ARID1B: variants seen among roughly 807,000 people sequenced by gnomAD.
ARID1B encodes AT-rich interaction domain 1B, also known as AT-rich interactive domain-containing protein 1B.
A neutral mutation model predicts 212.3 loss-of-function variants in ARID1B; 30 were observed. The ratio of observed to expected loss-of-function variants is 0.14; its 90% CI spans 0.11 to 0.19. The LOEUF (loss-of-function observed/expected upper bound fraction) is 0.19. Among genes scored for constraint, ARID1B ranks in the 10% least tolerant of loss-of-function variants. ARID1B has a pLI of 1.00. For missense variants in ARID1B, 2,891 were observed against 3,204.0 expected (o/e 0.90, Z 2.36); for synonymous variants, 1,402 against 1,301.7 (o/e 1.08, Z -1.66).
chr6:157,174,160 A>G (rs774860645), intron 10 of ARID1B, 43 bp downstream of exon 10: 112 of 1,566,604 alleles, frequency 7.1e-5, no homozygotes, highest in Non-Finnish European at 9.0e-5. Flanking sequence ...TCTGCCTAGC[A>G]AAAAGCTGCC....
At position 157,083,678 on chromosome 6, in the gene ARID1B, T is replaced by C. The variant is rs562134908; in HGVS notation, c.2248-984T>C. 5.9e-5 allele frequency among the ~76,000 whole-genome samples: 9 copies of C among 152,342 alleles called. No homozygotes were observed. In the South Asian group the frequency reaches 1.2e-3, roughly 21 times the overall value. On this transcript the variant is annotated intron_variant, in intron 4 of 19. Coordinates refer to ENST00000636930, the MANE Select transcript of ARID1B (RefSeq NM_001374828.1). ...TTTTTAATCACTGCCTCAGAGAGTA[T>C]GGTGATAAAATATAGATGGCATTGA...
chr6:156,862,695 C>T (rs1026901545), intron 2 of ARID1B, among the ~76,000 whole-genome samples: 4 of 152,036 alleles, frequency 2.6e-5, no homozygotes, highest in Admixed American at 6.6e-5. Context: ...AAGGAGGAGG[C>T]GGTAGATGTG....
intron 2 of ARID1B, among the ~76,000 whole-genome samples, chr6:156,853,372 A>G (rs1400924882): frequency 2.0e-5 from 3 of 152,200 alleles, no homozygotes; most frequent in African/African-American, 7.2e-5. Flanking sequence ...GGGCATGAAA[A>G]TGGATCCTAA....
In ARID1B at chr6:156,778,945, TGGCGGC is replaced by T; in HGVS notation, c.1272_1277del (p.Ala432_Ala433del). ...GCAGGAGGAGCAGGAGCGGGAGCTG[TGGCGGC>T]GGCGGCCGCGGCGGCGGCGGCAGCA... On this transcript the variant is annotated inframe_deletion, in exon 1 of 20. Coordinates refer to ENST00000636930, the MANE Select transcript of ARID1B (RefSeq NM_001374828.1). 2.3e-6 allele frequency: 3 copies of T among 1,277,234 alleles called. No homozygotes were observed. Among genetic ancestry groups the T allele is most frequent in the South Asian group, 3.0e-5 (1 of 33,336 alleles). The allele number at this position is 1,277,234 out of a possible 1,614,324, so 79.1% of individuals were successfully genotyped here.
intron 1 of ARID1B, among the ~76,000 whole-genome samples, chr6:156,794,258 TC>T (rs1189421109): frequency 1.3e-5 from 2 of 152,166 alleles, no homozygotes; most frequent in African/African-American, 4.8e-5. Context: ...TTTTTTCTTT[TC>T]TTTTTTTGGA....
chr6:156,859,778 G>A (rs939062620), intron 2 of ARID1B, among the ~76,000 whole-genome samples: 1 of 152,184 alleles, frequency 6.6e-6, no homozygotes, highest in Non-Finnish European at 1.5e-5. Flanking sequence ...TGGTCTAAAT[G>A]TGCTTGAAAA....
chr6:157,128,772 A>G (rs574998740), intron 6 of ARID1B, among the ~76,000 whole-genome samples: 1 of 152,376 alleles, frequency 6.6e-6, no homozygotes, highest in South Asian at 2.1e-4. Flanking sequence ...AAAAGGAAGT[A>G]AAGACAGCTG....
At chr6:156,885,600 C>T (rs907701865) in intron 2 of ARID1B, among the ~76,000 whole-genome samples, 1 of 152,070 alleles carries the variant, frequency 6.6e-6, no homozygotes, top group Non-Finnish European at 1.5e-5. Context: ...CATGTTCCAC[C>T]TGATGAAATT....
intron 12 of ARID1B, among the ~76,000 whole-genome samples, chr6:157,183,074 G>C (rs1362898900): frequency 6.6e-6 from 1 of 152,192 alleles, no homozygotes; most frequent in African/African-American, 2.4e-5. Context: ...CTGGAATGTA[G>C]CTGGGTTGCA....
intron 4 of ARID1B, among the ~76,000 whole-genome samples, chr6:157,014,323 C>G (rs765366720): frequency 6.6e-6 from 1 of 152,190 alleles, no homozygotes; most frequent in Non-Finnish European, 1.5e-5. Context: ...TTATGCAATC[C>G]TGGTTCTCCA....
At chr6:156,942,056 C>A (rs1248180090) in intron 4 of ARID1B, 1 of 152,040 alleles carries the variant, frequency 6.6e-6, no homozygotes, top group African/African-American at 2.4e-5. Context: ...ATATAGTATT[C>A]TGAAGATTTC....
rs186765548 is a variant in ARID1B at position 156,818,724 on chromosome 6, T to C, written c.1792-10503T>C. ...CATTTTACTGGAGATGGCAAATTACTTTTTGCTTGTGCAAATTCTGATAGT... is the reference window on the plus strand; with the variant it reads ...CATTTTACTGGAGATGGCAAATTACCTTTTGCTTGTGCAAATTCTGATAGT... On this transcript the variant is annotated intron_variant, in intron 1 of 19. Coordinates refer to ENST00000636930, the MANE Select transcript of ARID1B (RefSeq NM_001374828.1). 4.0e-4 allele frequency among the ~76,000 whole-genome samples: 61 copies of C among 152,330 alleles called. 1 individual carries two copies. Among genetic ancestry groups the C allele is most frequent in the African/African-American group, 1.3e-3 (55 of 41,568 alleles).
At chr6:157,166,989 C>T in intron 8 of ARID1B, 51 bp from the exon 9 acceptor site, 3 of 1,592,958 alleles carry the variant, frequency 1.9e-6, no homozygotes, top group East Asian at 2.2e-5. Flanking sequence ...GGGCAAACCA[C>T]TGCTAATGTG....
At chr6:156,835,928 A>AGGC (rs1783479852) in intron 2 of ARID1B, among the ~76,000 whole-genome samples, 2 of 78,970 alleles carry the variant, frequency 2.5e-5, no homozygotes, top group Middle Eastern at 6.3e-3. Flanking sequence ...TTTTTTGTAG[A>AGGC]GACGTCTCAC....
chr6:157,000,642 C>T (rs1183890291), intron 4 of ARID1B, among the ~76,000 whole-genome samples: 1 of 150,590 alleles, frequency 6.6e-6, no homozygotes, highest in African/African-American at 2.4e-5. Flanking sequence ...TGAGTGATTC[C>T]TCCAATAATT....
At chr6:156,854,952 A>G (rs149205022) in intron 2 of ARID1B, among the ~76,000 whole-genome samples, 6 of 152,358 alleles carry the variant, frequency 3.9e-5, no homozygotes, top group Admixed American at 2.0e-4. Flanking sequence ...CTTCCAGTCA[A>G]TTACTAGGCA....
chr6:157,134,429 G>A (rs1037986265), intron 7 of ARID1B, among the ~76,000 whole-genome samples: 5 of 152,250 alleles, frequency 3.3e-5, no homozygotes, highest in Non-Finnish European at 4.4e-5. Context: ...GGAAGACTAT[G>A]GGGATACCCA....
At chr6:157,122,384 A>T (rs1353657247) in intron 6 of ARID1B, among the ~76,000 whole-genome samples, 1 of 152,220 alleles carries the variant, frequency 6.6e-6, no homozygotes, top group Non-Finnish European at 1.5e-5. Context: ...TGCAGACTGA[A>T]TGACTCCAGG....
chr6:157,010,984 A>G (rs1779572145), intron 4 of ARID1B, among the ~76,000 whole-genome samples: 1 of 152,244 alleles, frequency 6.6e-6, no homozygotes, highest in Admixed American at 6.5e-5. Flanking sequence ...TCCGAAGGCC[A>G]GGACACCTCT....
Sources: gnomAD v4.1 joint callset for allele counts (sites outside exome capture counted in the v4.1 genomes callset) on GRCh38, gnomAD v4.1.1 for gene constraint, MANE v1.5 for transcripts, NCBI Gene and HGNC (gene_info 2026-07-23, HGNC 2026-07-21) for gene names.